C6orf132: variants seen among roughly 807,000 people sequenced by gnomAD.
C6orf132 encodes chromosome 6 open reading frame 132.
In C6orf132, 43 loss-of-function variants were observed where a neutral mutation model predicts 65.3. That is an observed-to-expected ratio of 0.66 (90% confidence interval 0.52 to 0.85). The LOEUF (loss-of-function observed/expected upper bound fraction) is 0.85, where lower values mean the gene tolerates loss of function less well. Among genes scored for constraint, C6orf132 ranks in the 40% least tolerant of loss-of-function variants. The pLI is 0.00. For missense variants in C6orf132, 1,488 were observed against 1,548.8 expected (o/e 0.96, Z 0.66); for synonymous variants, 631 against 654.1 (o/e 0.96, Z 0.54).
intron 2 of C6orf132, chr6:42,126,640 G>A (rs148127352): frequency 9.0e-6 from 2 of 222,406 alleles, no homozygotes; most frequent in Non-Finnish European, 1.7e-5. Context: ...TCAGGAGTTC[G>A]AGACCAGCCT....
chr6:42,104,769 GC>G lies in C6orf132; in HGVS notation c.3142del (p.Ala1048LeufsTer15). On this transcript the variant is annotated frameshift_variant, in exon 4 of 5. Coordinates refer to ENST00000341865, the MANE Select transcript of C6orf132 (RefSeq NM_001164446.3). LOFTEE classifies it high-confidence loss of function. This position sits in a 1 kb window ranked among gnomAD's most constrained non-coding sequence, Gnocchi z 4.1. ...TCCCGAGAAGCGCTCCAGGCCCCCA[GC>G]CCCGGCGTAGCGCGCGCCCGCGGGA... ...RFPAGARYAGAGGLERFSGGG... is the reference protein window; with the variant it reads ...RFPAGARYAGXGGLERFSGGG... The G allele has an allele frequency of 6.6e-7, 1 of 1,511,834 alleles. No individual in the cohort carries two copies. Among genetic ancestry groups the G allele is most frequent in the Non-Finnish European group, 8.8e-7 (1 of 1,136,578 alleles). 93.7% of individuals were successfully genotyped at this position (1,511,834 alleles called of 1,614,324 possible). A position where few individuals can be genotyped will look rare whatever the true frequency, so the allele number is the denominator to read the frequency against.
At chr6:42,130,676 A>G (rs574585347) in intron 1 of C6orf132, among the ~76,000 whole-genome samples, 1 of 152,322 alleles carries the variant, frequency 6.6e-6, no homozygotes, top group South Asian at 2.1e-4. Context: ...TTGGGTGCCT[A>G]GGAGCTTTAG....
At chr6:42,120,307 C>T (rs1339610192) in intron 2 of C6orf132, among the ~76,000 whole-genome samples, 5 of 146,272 alleles carry the variant, frequency 3.4e-5, no homozygotes, top group Non-Finnish European at 6.0e-5. Context: ...AGTGCAGTGG[C>T]GCGATCTCGG....
chr6:42,131,517 C>A (rs1429269081), intron 1 of C6orf132, among the ~76,000 whole-genome samples: 1 of 152,206 alleles, frequency 6.6e-6, no homozygotes, highest in African/African-American at 2.4e-5. Flanking sequence ...CCCTAAAGGG[C>A]CTGACTTCTA....
chr6:42,142,233 G>A, intron 1 of C6orf132, 67 bp downstream of exon 1: 12 of 1,497,600 alleles, frequency 8.0e-6, no homozygotes, highest in Non-Finnish European at 1.1e-5. Context: ...CCAGGAGACA[G>A]CACCGCCGGC....
At chr6:42,134,499 C>T (rs1766907585) in intron 1 of C6orf132, among the ~76,000 whole-genome samples, 1 of 151,840 alleles carries the variant, frequency 6.6e-6, no homozygotes, top group African/African-American at 2.4e-5. Flanking sequence ...GGCGGCCGGG[C>T]ACAGTAGCTC....
intron 2 of C6orf132, among the ~76,000 whole-genome samples, chr6:42,128,205 G>A (rs577838881): frequency 1.6e-4 from 24 of 151,962 alleles, no homozygotes; most frequent in African/African-American, 3.9e-4. Flanking sequence ...GATTACAGGC[G>A]TGAGCCACCG....
chr6:42,109,479 G>A (rs1284951268), intron 3 of C6orf132, among the ~76,000 whole-genome samples: 5 of 151,912 alleles, frequency 3.3e-5, no homozygotes, highest in African/African-American at 1.2e-4. Context: ...AGGCCTCGCA[G>A]AGAAGGTGAC....
chr6:42,107,592 A>G lies in C6orf132; in HGVS notation c.329-9T>C, dbSNP rs889700107. 1.9e-6 allele frequency: 3 copies of G among 1,550,694 alleles called. No homozygotes were observed. The highest frequency in any genetic ancestry group is 2.6e-6 in the Non-Finnish European group (3 of 1,146,688). ...GACTAGTGAGCTGGTACCTGAAAGA[A>G]GGAGAGGCAAAGATGGGGGGCAGGA... On this transcript the variant is annotated splice_polypyrimidine_tract_variant and intron_variant, in intron 3 of 4. Transcript: ENST00000341865.
chr6:42,105,594 C>T lies in C6orf132; in HGVS notation c.2318G>A (p.Cys773Tyr). ...CTCACGGCTGAGGCTGCTCTGGTGGCAGTGGGGCTTGTAGAGACATGGCAC... is the reference window on the plus strand; with the variant it reads ...CTCACGGCTGAGGCTGCTCTGGTGGTAGTGGGGCTTGTAGAGACATGGCAC... ...GEVPCLYKPH[C>Y]HQSSLSREVA... The change falls in exon 4 of 5, where the codon TGC becomes TAC. Residue 773 changes from cysteine (C) to tyrosine (Y), a missense_variant. Coordinates refer to ENST00000341865, the MANE Select transcript of C6orf132 (RefSeq NM_001164446.3). The T allele has an allele frequency of 6.5e-7, 1 of 1,536,786 alleles. No individual in the cohort carries two copies. Among genetic ancestry groups the T allele is most frequent in the South Asian group, 1.2e-5 (1 of 84,062 alleles).
rs1582265376 is a variant in C6orf132 at position 42,102,398 on chromosome 6, T to C, written c.*1363A>G. On this transcript the variant is annotated 3_prime_UTR_variant, in exon 5 of 5. Transcript: ENST00000341865. Reference sequence around the variant, plus strand: ...CCCACCACCATGCCCAGGTCATTTTTTTATTTTTAGTAGAGACAGGGTTTC... The same window carrying C: ...CCCACCACCATGCCCAGGTCATTTTCTTATTTTTAGTAGAGACAGGGTTTC... 6.6e-6 allele frequency: 1 copy of C among 151,918 alleles called. No individual in the cohort carries two copies. The highest frequency in any genetic ancestry group is 1.5e-5 in the Non-Finnish European group (1 of 68,002). The allele number at this position is 151,918 out of a possible 1,614,324, so 9.4% of individuals were successfully genotyped here.
rs866523939 is a variant in C6orf132 at position 42,103,553 on chromosome 6, G to A, written c.*208C>T. On this transcript the variant is annotated 3_prime_UTR_variant, in exon 5 of 5. Transcript: ENST00000341865. The stretch of plus-strand genomic sequence containing the variant: ...ACCCCCCACGTGTAAACAGTCCACA[G>A]TCACACCAGCGCTTTGGGAAACAGA... The A allele has an allele frequency of 3.7e-4, 128 of 345,498 alleles. 1 individual carries two copies. The highest frequency in any genetic ancestry group is 2.5e-3 in the African/African-American group (116 of 45,666). 21.4% of individuals were successfully genotyped at this position (345,498 alleles called of 1,614,324 possible).
Position 42,104,604 on chromosome 6 carries a change from C to A in C6orf132, c.3308G>T (p.Arg1103Leu). Residue 1103 changes from arginine to leucine, a missense_variant, in exon 4 of 5, where the codon CGC becomes CTC. Arg to Leu is a moderately radical substitution (Grantham distance 102). Coordinates refer to ENST00000341865, the MANE Select transcript of C6orf132 (RefSeq NM_001164446.3). This position sits in a 1 kb window ranked among gnomAD's most constrained non-coding sequence, Gnocchi z 4.1. ...GGGCGCGCGACCCGCCGAGTTCACG[C>A]GCCGCATCTCGGGGCCTCCGGGCTG... ...GPQPGGPEMR[R>L]VNSAGRAPPG... is the part of the protein sequence containing the mutation. 2 of 1,346,458 alleles carry A rather than the reference C, an allele frequency of 1.5e-6. No individual in the cohort carries two copies. Among genetic ancestry groups the A allele is most frequent in the South Asian group, 1.9e-5 (1 of 53,290 alleles). 83.4% of individuals were successfully genotyped at this position (1,346,458 alleles called of 1,614,324 possible).
chr6:42,110,653 G>C (rs1484536768), intron 2 of C6orf132, among the ~76,000 whole-genome samples: 1 of 152,140 alleles, frequency 6.6e-6, no homozygotes, highest in Non-Finnish European at 1.5e-5. Context: ...CTGTGTTTCT[G>C]CTTAAAGACA....
chr6:42,127,092 C>T (rs1450829834), intron 2 of C6orf132, among the ~76,000 whole-genome samples: 3 of 152,016 alleles, frequency 2.0e-5, no homozygotes, highest in African/African-American at 7.3e-5. Flanking sequence ...GTAGCTGGGA[C>T]TATAGGCACA....
intron 1 of C6orf132, among the ~76,000 whole-genome samples, chr6:42,141,349 C>T (rs911726525): frequency 6.6e-6 from 1 of 152,178 alleles, no homozygotes; most frequent in African/African-American, 2.4e-5. Context: ...GATGGGTGAC[C>T]TTCCTTGGGC....
rs1283225020 is a variant in C6orf132, at chr6:42,104,999, C to T, written c.2913G>A (p.Ser971=). Residue 971 remains serine, a synonymous_variant, in exon 4 of 5, where the codon TCG becomes TCA. Coordinates refer to ENST00000341865, the MANE Select transcript of C6orf132 (RefSeq NM_001164446.3). The surrounding 1 kb of genome is among the most constrained non-coding windows in gnomAD (Gnocchi z 4.1). ...CCTCCTCCTCCTCCTCCCTCTTGTT[C>T]GAAGGAGAAGGTGGGGAGGAGAAGG... is the stretch of plus-strand genomic sequence containing the variant. ...PKSFSSPPSP[S]NKREEEEEEF... 1 of 1,523,572 alleles carries T rather than the reference C, an allele frequency of 6.6e-7. No homozygotes were observed. Among genetic ancestry groups the T allele is most frequent in the Non-Finnish European group, 8.8e-7 (1 of 1,141,496 alleles). The allele number at this position is 1,523,572 out of a possible 1,614,324, so 94.4% of individuals were successfully genotyped here.
chr6:42,126,758 G>T, intron 2 of C6orf132: 2 of 370,814 alleles, frequency 5.4e-6, no homozygotes, highest in Non-Finnish European at 9.6e-6. Context: ...CAGGAGAATC[G>T]CTTGAACCCA....
chr6:42,112,843 A>G (rs1238228943), intron 2 of C6orf132, among the ~76,000 whole-genome samples: 2 of 152,202 alleles, frequency 1.3e-5, no homozygotes, highest in East Asian at 3.8e-4. Flanking sequence ...CTCAAGGTCG[A>G]TGTTACAGAA....
Sources: gnomAD v4.1 joint callset for allele counts (sites outside exome capture counted in the v4.1 genomes callset) on GRCh38, gnomAD v4.1.1 for gene constraint, Gnocchi (gnomAD v3.1) non-coding constraint, MANE v1.5 for transcripts, NCBI Gene and HGNC (gene_info 2026-07-23, HGNC 2026-07-21) for gene names.